Variants in SGCG observed in about 807,000 individuals in gnomAD.
SGCG encodes sarcoglycan gamma, also known as gamma-sarcoglycan.
A neutral mutation model predicts 29.3 loss-of-function variants in SGCG; 26 were observed. That is an observed-to-expected ratio of 0.89 (90% CI 0.65 to 1.23). SGCG has a LOEUF of 1.23. SGCG is among the 50% of genes most tolerant of loss of function. The probability of loss-of-function intolerance (pLI) is 0.00; values close to 1 mark genes in which losing one functional copy is unlikely to be tolerated. For synonymous variants in SGCG, 145 were observed against 129.7 expected (o/e 1.12, Z -0.80); for missense variants, 353 against 356.0 (o/e 0.99, Z 0.07).
chr13:23,277,143 G>A (rs928563822), intron 4 of SGCG, among the ~76,000 whole-genome samples: 10 of 152,228 alleles, frequency 6.6e-5, no homozygotes, highest in South Asian at 2.1e-4. Context: ...AAAAAAAATT[G>A]TCACAGTTCA....
At chr13:23,301,722 A>G (rs1315955118) in intron 6 of SGCG, among the ~76,000 whole-genome samples, 1 of 152,098 alleles carries the variant, frequency 6.6e-6, no homozygotes, top group Non-Finnish European at 1.5e-5. Context: ...CCCTGTCTCT[A>G]CTAAAAATAG....
intron 2 of SGCG, among the ~76,000 whole-genome samples, chr13:23,219,917 G>C (rs1878591542): frequency 7.0e-6 from 1 of 142,044 alleles, no homozygotes; most frequent in Non-Finnish European, 1.5e-5. Context: ...CTCACTGCAA[G>C]CTCCGCCTTC....
intron 1 of SGCG, among the ~76,000 whole-genome samples, chr13:23,203,105 G>A (rs962130270): frequency 2.0e-4 from 31 of 152,058 alleles, no homozygotes; most frequent in Admixed American, 1.9e-3. Context: ...GACTACAGGC[G>A]CCTGCCACCA....
At chr13:23,311,491 G>A (rs749299874) in intron 6 of SGCG, among the ~76,000 whole-genome samples, 4 of 152,154 alleles carry the variant, frequency 2.6e-5, no homozygotes, top group Admixed American at 6.5e-5. Context: ...GGGTGGTAGC[G>A]AGCTCCCTCC....
chr13:23,199,350 T>C (rs1877649466), intron 1 of SGCG, among the ~76,000 whole-genome samples: 1 of 152,248 alleles, frequency 6.6e-6, no homozygotes, highest in African/African-American at 2.4e-5. Context: ...GTGCTGTGTG[T>C]TATTCCAATG....
chr13:23,195,904 CAAAA>C (rs1158989480), intron 1 of SGCG, among the ~76,000 whole-genome samples: 2 of 150,410 alleles, frequency 1.3e-5, no homozygotes, highest in African/African-American at 4.9e-5. Context: ...TTTACTGTTA[CAAAA>C]GAAATATATA....
chr13:23,282,689 T>C (rs1197242600), intron 5 of SGCG, among the ~76,000 whole-genome samples: 1 of 144,842 alleles, frequency 6.9e-6, no homozygotes, highest in Non-Finnish European at 1.5e-5. Flanking sequence ...GACTGCATAG[T>C]ATTCCACATT....
chr13:23,254,996 A>G (rs1425582348), intron 4 of SGCG, among the ~76,000 whole-genome samples: 3 of 152,228 alleles, frequency 2.0e-5, no homozygotes, highest in Non-Finnish European at 4.4e-5. Flanking sequence ...AACATGCTGC[A>G]GGGACACAGG....
the SGCG span, among the ~76,000 whole-genome samples, chr13:23,160,620 G>T: frequency 1.3e-5 from 2 of 152,142 alleles, no homozygotes; most frequent in African/African-American, 4.8e-5. Context: ...GGCTGTTTGC[G>T]CCCCGGGACT....
At position 23,279,842 on chromosome 13, in the gene SGCG, C is replaced by T. The variant is rs560685311; in HGVS notation, c.505+364C>T. Reference sequence around the variant, plus strand: ...TCCTGGGTTCAAGCAATTCTCCTGCCTCAGCCTCCCGAGTAGCTGAGACTA... The same window carrying T: ...TCCTGGGTTCAAGCAATTCTCCTGCTTCAGCCTCCCGAGTAGCTGAGACTA... On this transcript the variant is annotated intron_variant, in intron 5 of 7. Transcript: ENST00000218867. Among the ~76,000 whole-genome samples the T allele has an allele frequency of 1.7e-3, 253 of 152,204 alleles. 2 individuals are homozygous for T. The highest frequency in any genetic ancestry group is 0.014 in the Middle Eastern group (4 of 294).
chr13:23,272,297 C>T (rs568641321), intron 4 of SGCG, among the ~76,000 whole-genome samples: 75 of 152,232 alleles, frequency 4.9e-4, no homozygotes, highest in African/African-American at 1.7e-3. Context: ...GGTTAAAATA[C>T]ATCATTTTAC....
intron 5 of SGCG, among the ~76,000 whole-genome samples, chr13:23,284,404 T>A (rs1881420116): frequency 6.6e-6 from 1 of 152,224 alleles, no homozygotes; most frequent in Non-Finnish European, 1.5e-5. Context: ...ATTCGGCTAT[T>A]GATACTTGTG....
At chr13:23,318,593 A>T (rs1882918839) in intron 6 of SGCG, among the ~76,000 whole-genome samples, 1 of 152,146 alleles carries the variant, frequency 6.6e-6, no homozygotes, top group South Asian at 2.1e-4. Flanking sequence ...AAGAGGGTAA[A>T]CTAAAATATA....
intron 1 of SGCG, among the ~76,000 whole-genome samples, chr13:23,183,312 A>G (rs9580557): frequency 0.055 from 8,447 of 152,276 alleles, 308 homozygotes; most frequent in Non-Finnish European, 0.082. Context: ...CGGGGAAGTC[A>G]GGAAGACCTC....
At chr13:23,209,846 G>GT (rs1459162532) in intron 2 of SGCG, among the ~76,000 whole-genome samples, 1 of 152,176 alleles carries the variant, frequency 6.6e-6, no homozygotes, top group Non-Finnish European at 1.5e-5. Context: ...TAACTGCTGT[G>GT]TTTTGTCATT....
At chr13:23,287,035 C>T (rs1881523223) in intron 5 of SGCG, among the ~76,000 whole-genome samples, 1 of 152,150 alleles carries the variant, frequency 6.6e-6, no homozygotes. Context: ...TCCTATTGTG[C>T]CACTAGGGTA....
chr13:23,230,108 T>C (rs1388707679), intron 2 of SGCG, among the ~76,000 whole-genome samples: 1 of 152,224 alleles, frequency 6.6e-6, no homozygotes, highest in Non-Finnish European at 1.5e-5. Flanking sequence ...TGTGGCCTTA[T>C]TTCTGGGCTC....
Position 23,312,595 on chromosome 13 carries a change from G to A in SGCG, c.579-8042G>A, listed in dbSNP as rs908415044. On this transcript the variant is annotated intron_variant, in intron 6 of 7. Coordinates refer to ENST00000218867, the MANE Select transcript of SGCG (RefSeq NM_000231.3). Reference sequence around the variant, plus strand: ...GGACGTAGTGTGTGGAATGATAGCCGTAGCAGGTTGGGAGGATCAGGGGGT... The same window carrying A: ...GGACGTAGTGTGTGGAATGATAGCCATAGCAGGTTGGGAGGATCAGGGGGT... Among the ~76,000 whole-genome samples the A allele has an allele frequency of 6.6e-5, 10 of 152,298 alleles. No homozygotes were observed. In the East Asian group the frequency reaches 7.7e-4, roughly 12 times the overall value.
intron 4 of SGCG, among the ~76,000 whole-genome samples, chr13:23,265,962 A>G (rs751349108): frequency 3.3e-5 from 5 of 152,222 alleles, no homozygotes; most frequent in Non-Finnish European, 7.3e-5. Flanking sequence ...ACACCTGCAC[A>G]CACATGTTTA....
Sources: allele counts gnomAD v4.1 joint callset (sites outside exome capture counted in the v4.1 genomes callset), GRCh38; gene constraint gnomAD v4.1.1; transcripts MANE v1.5; gene names NCBI Gene and HGNC (gene_info 2026-07-23, HGNC 2026-07-21).